NEDD4L: variants seen among roughly 807,000 people sequenced by gnomAD.
NEDD4L encodes the protein NEDD4 like E3 ubiquitin protein ligase.
In NEDD4L, 54 loss-of-function variants were observed where a neutral mutation model predicts 148.9. The observed-to-expected ratio is 0.36, with a 90% CI of 0.29 to 0.45. The LOEUF (loss-of-function observed/expected upper bound fraction) is 0.45. Ranked by LOEUF, NEDD4L falls within the 20% of genes least tolerant of loss-of-function variation. NEDD4L has a pLI of 1.00. For synonymous variants in NEDD4L, 433 were observed against 440.7 expected (o/e 0.98, Z 0.22); for missense variants, 856 against 1,233.8 (o/e 0.69, Z 4.59).
At chr18:58,095,988 ATTC>A (rs538053798) in intron 1 of NEDD4L, among the ~76,000 whole-genome samples, 95 of 152,054 alleles carry the variant, frequency 6.2e-4, no homozygotes, top group Middle Eastern at 6.8e-3. Context: ...GCCCAAGACA[ATTC>A]TTCTTCTTCC....
At chr18:58,350,854 G>A (rs1007015632) in intron 17 of NEDD4L, 137 bp from the exon 18 acceptor site, 110 of 616,750 alleles carry the variant, frequency 1.8e-4, no homozygotes, top group Middle Eastern at 1.7e-3. Context: ...TTCATATTTA[G>A]TTCACGCTCA....
chr18:58,150,496 G>A (rs964017445), intron 1 of NEDD4L, among the ~76,000 whole-genome samples: 6 of 152,246 alleles, frequency 3.9e-5, no homozygotes, highest in Admixed American at 3.3e-4. Context: ...AAAGTGCTGG[G>A]ATTACAGGCG....
Position 58,329,053 on chromosome 18 carries a change from C to G in NEDD4L, c.739C>G (p.Arg247Gly). The stretch of plus-strand genomic sequence containing the variant: ...ACAGATCAACCAGGAGGCAGCACAC[C>G]GGCGCTTCCGCTCCCGCAGGCACAT... Reference protein sequence around the residue: ...IRQINQEAAHRRFRSRRHISE... With the variant: ...IRQINQEAAHGRFRSRRHISE... Residue 247 changes from arginine (R) to glycine (G), a missense_variant, in exon 10 of 31, where the codon CGG (arginine) becomes GGG (glycine). This residue lies in a region of NEDD4L where 367 missense variants were observed against 422.7 expected (regional missense o/e 0.87). Coordinates refer to ENST00000400345, the MANE Select transcript of NEDD4L (RefSeq NM_001144967.3). 6.2e-7 allele frequency: 1 copy of G among 1,614,006 alleles called. No homozygotes were observed. Among genetic ancestry groups the G allele is most frequent in the Non-Finnish European group, 8.5e-7 (1 of 1,179,882 alleles).
intron 1 of NEDD4L, among the ~76,000 whole-genome samples, chr18:58,114,529 A>G (rs1232937666): frequency 6.6e-6 from 1 of 152,220 alleles, no homozygotes; most frequent in Non-Finnish European, 1.5e-5. Flanking sequence ...AGTACTTGAC[A>G]TACATGGGCA....
intron 5 of NEDD4L, among the ~76,000 whole-genome samples, chr18:58,252,569 A>C (rs971212968): frequency 1.3e-5 from 2 of 152,238 alleles, no homozygotes; most frequent in Non-Finnish European, 2.9e-5. Flanking sequence ...CCTTCTTAAG[A>C]GAGAACCTTA....
At chr18:58,236,343 C>T (rs751243719) in intron 2 of NEDD4L, among the ~76,000 whole-genome samples, 10 of 151,032 alleles carry the variant, frequency 6.6e-5, no homozygotes, top group African/African-American at 2.2e-4. Flanking sequence ...GGTGACAGAG[C>T]GAGACCCTGT....
At chr18:58,373,135 G>C in intron 23 of NEDD4L, 39 bp from the exon 24 acceptor site, 1 of 1,168,396 alleles carries the variant, frequency 8.6e-7, no homozygotes, top group Non-Finnish European at 1.3e-6. Context: ...GTATTTTGGG[G>C]AAAAAATGCT....
At chr18:58,088,172 A>G (rs903379133) in intron 1 of NEDD4L, among the ~76,000 whole-genome samples, 1 of 152,224 alleles carries the variant, frequency 6.6e-6, no homozygotes, top group Non-Finnish European at 1.5e-5. Flanking sequence ...AGGACACATG[A>G]TTCAGGAGAC....
chr18:58,373,975 A>G (rs964773573), intron 24 of NEDD4L, among the ~76,000 whole-genome samples: 6 of 152,198 alleles, frequency 3.9e-5, no homozygotes, highest in African/African-American at 1.4e-4. Flanking sequence ...TTCTCAATGT[A>G]TTCTCTGACC....
intron 1 of NEDD4L, among the ~76,000 whole-genome samples, chr18:58,082,102 A>T (rs10871751): frequency 0.54 from 27,105 of 50,358 alleles, 7,408 homozygotes; most frequent in South Asian, 0.62. Flanking sequence ...ATATATATAT[A>T]TTTTTTTTTT....
At chr18:58,183,170 G>T (rs1473647776) in intron 2 of NEDD4L, among the ~76,000 whole-genome samples, 2 of 152,218 alleles carry the variant, frequency 1.3e-5, no homozygotes, top group Non-Finnish European at 2.9e-5. Flanking sequence ...TGGGAGGAGG[G>T]TGCTAAGTGA....
At chr18:58,281,669 A>G (rs977108384) in intron 5 of NEDD4L, among the ~76,000 whole-genome samples, 6 of 151,536 alleles carry the variant, frequency 4.0e-5, no homozygotes, top group African/African-American at 1.5e-4. Context: ...AAGAAAAAAG[A>G]AAAAAAAACT....
intron 5 of NEDD4L, among the ~76,000 whole-genome samples, chr18:58,306,694 C>T (rs949535773): frequency 6.6e-6 from 1 of 151,906 alleles, no homozygotes; most frequent in Non-Finnish European, 1.5e-5. Context: ...GGTGCAATCT[C>T]AGCTCACTGT....
At chr18:58,266,194 T>C (rs948216016) in intron 5 of NEDD4L, among the ~76,000 whole-genome samples, 1 of 152,058 alleles carries the variant, frequency 6.6e-6, no homozygotes, top group African/African-American at 2.4e-5. Context: ...ATCTGCAACC[T>C]AAACCAAGTG....
chr18:58,319,722 A>G (rs2058607103), intron 6 of NEDD4L, among the ~76,000 whole-genome samples: 1 of 152,214 alleles, frequency 6.6e-6, no homozygotes, highest in South Asian at 2.1e-4. Flanking sequence ...ATCATCTTCT[A>G]ATTCAGGCTA....
intron 25 of NEDD4L, 49 bp from the exon 26 acceptor site, chr18:58,385,477 C>A: frequency 7.0e-7 from 1 of 1,428,862 alleles, no homozygotes; most frequent in Non-Finnish European, 9.9e-7. Flanking sequence ...AAGCAGTGAG[C>A]ACTAGTGATG....
chr18:58,058,713 T>C (rs1320807792), intron 1 of NEDD4L, among the ~76,000 whole-genome samples: 3 of 152,212 alleles, frequency 2.0e-5, no homozygotes, highest in Non-Finnish European at 4.4e-5. Flanking sequence ...TGTGTTTTAT[T>C]ATTTAAGAGT....
chr18:58,212,658 A>T (rs1373176571), intron 2 of NEDD4L, among the ~76,000 whole-genome samples: 1 of 152,002 alleles, frequency 6.6e-6, no homozygotes, highest in East Asian at 1.9e-4. Context: ...TTTTGTGGAG[A>T]CGAGGTTTCA....
intron 1 of NEDD4L, among the ~76,000 whole-genome samples, chr18:58,125,855 C>T (rs531104): frequency 0.12 from 18,216 of 152,208 alleles, 1,138 homozygotes; most frequent in South Asian, 0.23. Flanking sequence ...GAAGTTTGAC[C>T]TACCACCTCT....
Sources: allele counts gnomAD v4.1 joint callset (sites outside exome capture counted in the v4.1 genomes callset), GRCh38; gene constraint gnomAD v4.1.1; regional missense constraint gnomAD v4.1.1; transcripts MANE v1.5; gene names NCBI Gene and HGNC (gene_info 2026-07-23, HGNC 2026-07-21).